The following SLC1A3 variants were observed in gnomAD, a reference collection of about 807,000 sequenced individuals.
The protein encoded by SLC1A3 is excitatory amino acid transporter 1.
A neutral mutation model predicts 48.1 loss-of-function variants in SLC1A3; 21 were observed. The ratio of observed to expected loss-of-function variants is 0.44; its 90% CI spans 0.31 to 0.63. The LOEUF is 0.63. Among genes scored for constraint, SLC1A3 ranks in the 20% least tolerant of loss-of-function variants. SLC1A3 has a pLI of 0.08. For missense variants in SLC1A3, 546 were observed against 689.0 expected (o/e 0.79, Z 2.32); for synonymous variants, 239 against 251.4 (o/e 0.95, Z 0.47).
Position 36,671,084 on chromosome 5 carries a change from C to A in SLC1A3, c.375C>A (p.Val125=). Residue 125 remains valine, a synonymous_variant, in exon 4 of 10, where the codon GTC becomes GTA. Coordinates refer to ENST00000265113, the MANE Select transcript of SLC1A3 (RefSeq NM_004172.5). The stretch of plus-strand genomic sequence containing the variant: ...GGAAGATGGGAATGCGAGCTGTAGT[C>A]TATTATATGACTACCACCATCATTG... ...ASGKMGMRAV[V]YYMTTTIIAV... is the part of the protein sequence containing the mutation. 6.2e-7 allele frequency: 1 copy of A among 1,614,006 alleles called. No individual in the cohort carries two copies. Among genetic ancestry groups the A allele is most frequent in the Non-Finnish European group, 8.5e-7 (1 of 1,179,890 alleles).
At chr5:36,625,389 G>C (rs529495210) in intron 2 of SLC1A3, among the ~76,000 whole-genome samples, 7 of 152,118 alleles carry the variant, frequency 4.6e-5, no homozygotes, top group Non-Finnish European at 7.4e-5. Flanking sequence ...ACCAGGAGGC[G>C]GAGGTTGCAG....
At chr5:36,603,403 A>G (rs1017481217), upstream of SLC1A3, among the ~76,000 whole-genome samples, 2 of 152,250 alleles carry the variant, frequency 1.3e-5, no homozygotes, top group Non-Finnish European at 2.9e-5. Flanking sequence ...CGATGCGTTT[A>G]TGGACTCCTT....
At chr5:36,624,681 A>C (rs546778592) in intron 2 of SLC1A3, among the ~76,000 whole-genome samples, 47 of 152,230 alleles carry the variant, frequency 3.1e-4, no homozygotes, top group Non-Finnish European at 6.6e-4. Context: ...TAAATTCTTA[A>C]TTAAATGTCC....
chr5:36,600,037 GT>G (rs1297627271), intron 1 of SLC1A3, among the ~76,000 whole-genome samples: 1 of 152,024 alleles, frequency 6.6e-6, no homozygotes, highest in Non-Finnish European at 1.5e-5. Context: ...CATGCTTTTC[GT>G]TTTTCCCCCA....
chr5:36,626,594 G>C (rs1291928045), intron 2 of SLC1A3, among the ~76,000 whole-genome samples: 28 of 152,168 alleles, frequency 1.8e-4, no homozygotes, highest in Admixed American at 6.5e-5. Context: ...TGTTATAATT[G>C]AATGTCAAGT....
At chr5:36,622,139 T>C (rs186650847) in intron 2 of SLC1A3, among the ~76,000 whole-genome samples, 2 of 152,232 alleles carry the variant, frequency 1.3e-5, no homozygotes, top group East Asian at 3.9e-4. Context: ...TTCTGGGCAA[T>C]GGGTATGAAT....
In SLC1A3 at chr5:36,674,227, G is replaced by A. The variant is rs112687916; in HGVS notation, c.567+136G>A. ...TGTCAACCAGATTAAAAACACTAGC[G>A]TTTTCTAGGAATTTTGGGGGGAAAG... is the stretch of plus-strand genomic sequence containing the variant. On this transcript the variant is annotated intron_variant, in intron 5 of 9. Transcript: ENST00000265113. The A allele has an allele frequency of 1.5e-3, 1,135 of 747,558 alleles. 9 individuals carry two copies. In the African/African-American group the frequency reaches 0.016, roughly 11 times the overall value. The allele number at this position is 747,558 out of a possible 1,614,324, so 46.3% of individuals were successfully genotyped here.
Position 36,674,078 on chromosome 5 carries a change from C to G in SLC1A3, c.554C>G (p.Ala185Gly), listed in dbSNP as rs1438565133. 1 of 1,613,252 alleles carries G rather than the reference C, an allele frequency of 6.2e-7. No individual in the cohort carries two copies. Among genetic ancestry groups the G allele is most frequent in the Non-Finnish European group, 8.5e-7 (1 of 1,179,328 alleles). The change falls in exon 5 of 10, where the codon GCC becomes GGC. Residue 185 changes from alanine to glycine, a missense_variant. Coordinates refer to ENST00000265113, the MANE Select transcript of SLC1A3 (RefSeq NM_004172.5). ...RNMFPPNLVE[A>G]CFKQFKTNYE... Reference sequence around the variant, plus strand: ...ATGTTCCCTCCAAATCTGGTAGAAGCCTGCTTTAAACAGGTAAACACTCTA... The same window carrying G: ...ATGTTCCCTCCAAATCTGGTAGAAGGCTGCTTTAAACAGGTAAACACTCTA...
At chr5:36,636,508 T>A (rs555287425) in intron 3 of SLC1A3, 1 of 139,116 alleles carries the variant, frequency 7.2e-6, no homozygotes, top group African/African-American at 2.7e-5. Flanking sequence ...TCTTTCTTTT[T>A]CTTTCTTTCT....
Position 36,676,673 on chromosome 5 carries a change from GA to G in SLC1A3, c.568-218del, listed in dbSNP as rs1270890267. Among the ~76,000 whole-genome samples, 8 of 151,330 alleles carry G rather than the reference GA, an allele frequency of 5.3e-5. No homozygotes were observed. The East Asian group carries it at 1.6e-3, about 29-fold the overall frequency. Reference sequence around the variant, plus strand: ...ATGTGTGTGTGTGTGTGTGTGTCATGATTTGTATGTATTTCAGTATGTGTTT... The same window carrying G: ...ATGTGTGTGTGTGTGTGTGTGTCATGTTTGTATGTATTTCAGTATGTGTTT... On this transcript the variant is annotated intron_variant, in intron 5 of 9. Transcript: ENST00000265113.
At chr5:36,650,646 A>G (rs539312666) in intron 3 of SLC1A3, among the ~76,000 whole-genome samples, 1 of 152,334 alleles carries the variant, frequency 6.6e-6, no homozygotes, top group South Asian at 2.1e-4. Flanking sequence ...GTATTGTTTA[A>G]CATCTTTCTC....
rs147256828 is a variant in SLC1A3, at chr5:36,687,474, C to T, written c.*1205C>T. ...TTCTCGAGTCCAAAATCATTCCCCC[C>T]GTGAAGTCTGCTTACCAAAACATAA... On this transcript the variant is annotated 3_prime_UTR_variant, in exon 10 of 10. Coordinates refer to ENST00000265113, the MANE Select transcript of SLC1A3 (RefSeq NM_004172.5). 1.5e-4 allele frequency: 23 copies of T among 152,076 alleles called. No individual in the cohort carries two copies. Among genetic ancestry groups the T allele is most frequent in the East Asian group, 9.7e-4 (5 of 5,162 alleles). 9.4% of individuals were successfully genotyped at this position (152,076 alleles called of 1,614,324 possible). A position where few individuals can be genotyped will look rare whatever the true frequency, so the allele number is the denominator to read the frequency against.
At chr5:36,652,612 C>A (rs189548948) in intron 3 of SLC1A3, among the ~76,000 whole-genome samples, 25 of 152,132 alleles carry the variant, frequency 1.6e-4, no homozygotes, top group Admixed American at 2.0e-4. Flanking sequence ...CCAGAGAATT[C>A]CCAGAGTTAC....
chr5:36,625,169 G>A (rs1739852431), intron 2 of SLC1A3, among the ~76,000 whole-genome samples: 1 of 152,192 alleles, frequency 6.6e-6, no homozygotes, highest in African/African-American at 2.4e-5. Context: ...ATTTAAAATA[G>A]ACACAAGGCC....
Position 36,626,098 on chromosome 5 carries a change from C to T in SLC1A3, c.182-3352C>T, listed in dbSNP as rs572778855. On this transcript the variant is annotated intron_variant, in intron 2 of 9. Transcript: ENST00000265113. ...CTAATACCTAAATAAAAATTGGTTG[C>T]ACTGAGTAAGTGCAGGGCTTGAGTG... Among the ~76,000 whole-genome samples the T allele has an allele frequency of 7.9e-5, 12 of 152,290 alleles. 1 individual carries two copies. The South Asian group carries it at 2.5e-3, about 32-fold the overall frequency.
At chr5:36,636,492 TTTCTTTC>T (rs1740379878) in intron 3 of SLC1A3, 1 of 119,932 alleles carries the variant, frequency 8.3e-6, no homozygotes, top group Non-Finnish European at 1.7e-5. Flanking sequence ...TCTTTCTTTC[TTTCTTTC>T]TTTCTTTTTC....
chr5:36,679,067 GC>G (rs1742327252), intron 6 of SLC1A3, among the ~76,000 whole-genome samples: 1 of 152,200 alleles, frequency 6.6e-6, no homozygotes, highest in Admixed American at 6.5e-5. Flanking sequence ...AATAAAAGTG[GC>G]CCTTGAATAA....
At chr5:36,624,294 T>C (rs1047637397) in intron 2 of SLC1A3, among the ~76,000 whole-genome samples, 2 of 152,186 alleles carry the variant, frequency 1.3e-5, no homozygotes, top group African/African-American at 4.8e-5. Context: ...GGCAAAATAT[T>C]GTGTACCCAT....
At chr5:36,638,469 TTAGCTTTC>T (rs1182320097) in intron 3 of SLC1A3, among the ~76,000 whole-genome samples, 8 of 152,288 alleles carry the variant, frequency 5.3e-5, no homozygotes, top group Admixed American at 3.3e-4. Context: ...AATTGAAAGC[TTAGCTTTC>T]AATCTTTCCG....
Sources: allele counts gnomAD v4.1 joint callset (sites outside exome capture counted in the v4.1 genomes callset), GRCh38; gene constraint gnomAD v4.1.1; transcripts MANE v1.5; gene names NCBI Gene and HGNC (gene_info 2026-07-23, HGNC 2026-07-21).